Variants in CHLSN observed in about 807,000 individuals in gnomAD.
The protein encoded by CHLSN is protein cholesin.
chr7:1,013,717 A>AT, the CHLSN span, among the ~76,000 whole-genome samples: 1 of 152,160 alleles, frequency 6.6e-6, no homozygotes, highest in African/African-American at 2.4e-5. Context: ...CAGACGTGTG[A>AT]TGTCTAAAGC....
At chr7:990,562 G>A in the CHLSN span, among the ~76,000 whole-genome samples, 1 of 152,000 alleles carries the variant, frequency 6.6e-6, no homozygotes, top group Non-Finnish European at 1.5e-5. Flanking sequence ...CGGGACACAC[G>A]GGTGCACGGC....
At chr7:1,016,722 C>T in the CHLSN span, among the ~76,000 whole-genome samples, 1 of 121,428 alleles carries the variant, frequency 8.2e-6, no homozygotes, top group Admixed American at 8.3e-5. Flanking sequence ...CGCACAGCAG[C>T]ACACAGCAGC....
At chr7:987,934 G>A in the CHLSN span, among the ~76,000 whole-genome samples, 1 of 94,076 alleles carries the variant, frequency 1.1e-5, no homozygotes, top group Non-Finnish European at 2.0e-5. Context: ...TGTGTGTCCT[G>A]GGGGGGTCCC....
the CHLSN span, chr7:1,021,537 C>G: frequency 1.0e-6 from 1 of 985,434 alleles, no homozygotes; most frequent in Non-Finnish European, 1.2e-6. Context: ...CACTGTCCAT[C>G]CACCGCACAG....
the CHLSN span, among the ~76,000 whole-genome samples, chr7:1,130,522 C>A: frequency 1.3e-5 from 2 of 152,134 alleles, no homozygotes; most frequent in Non-Finnish European, 2.9e-5. Context: ...CACCTGACCC[C>A]ATGCCCCTGT....
At chr7:1,016,765 A>ACAGCAGCACACGCCAGCGCG in the CHLSN span, among the ~76,000 whole-genome samples, 5 of 77,090 alleles carry the variant, frequency 6.5e-5, no homozygotes, top group Non-Finnish European at 9.5e-5. Flanking sequence ...ACGCCAGCGC[A>ACAGCAGCACACGCCAGCGCG]CAGCGCACAG....
chr7:1,030,784 G>A, the CHLSN span, among the ~76,000 whole-genome samples: 744 of 151,886 alleles, frequency 4.9e-3, 8 homozygotes, highest in African/African-American at 0.017. Context: ...TCTCTCCCCG[G>A]GCAGGTGGGA....
the CHLSN span, among the ~76,000 whole-genome samples, chr7:1,098,603 A>T: frequency 6.6e-6 from 1 of 152,064 alleles, no homozygotes; most frequent in South Asian, 2.1e-4. Flanking sequence ...GCTCAGTGAG[A>T]TAAAGCAGAC....
the CHLSN span, among the ~76,000 whole-genome samples, chr7:1,064,346 T>C: frequency 6.6e-6 from 1 of 152,048 alleles, no homozygotes; most frequent in South Asian, 2.1e-4. Flanking sequence ...TGGAAGCAGA[T>C]GGTGGCTCTG....
chr7:992,098 C>T, the CHLSN span, among the ~76,000 whole-genome samples: 1 of 152,206 alleles, frequency 6.6e-6, no homozygotes, highest in South Asian at 2.1e-4. Context: ...GAGAGGCAGA[C>T]ACCCCGAACC....
At chr7:1,102,719 G>A in the CHLSN span, among the ~76,000 whole-genome samples, 1 of 152,240 alleles carries the variant, frequency 6.6e-6, no homozygotes, top group Non-Finnish European at 1.5e-5. Context: ...CTTTCCGTGA[G>A]GGTGGGCCGC....
chr7:1,029,599 A>C, the CHLSN span, among the ~76,000 whole-genome samples: 1 of 152,184 alleles, frequency 6.6e-6, no homozygotes, highest in Non-Finnish European at 1.5e-5. Flanking sequence ...AGGGAGCCGC[A>C]CTGGCCACCC....
At chr7:1,028,111 G>T in the CHLSN span, 2 of 428,666 alleles carry the variant, frequency 4.7e-6, no homozygotes, top group Non-Finnish European at 6.1e-6. Flanking sequence ...CCCGGGGTCT[G>T]CAGGGCGGAG....
the CHLSN span, among the ~76,000 whole-genome samples, chr7:1,134,012 C>T: frequency 1.3e-5 from 2 of 152,052 alleles, no homozygotes; most frequent in Non-Finnish European, 2.9e-5. Context: ...GCCATGTTTC[C>T]CAGACTGGTC....
chr7:1,016,304 T>TAGCAGCAC, the CHLSN span, among the ~76,000 whole-genome samples: 1 of 27,490 alleles, frequency 3.6e-5, no homozygotes, highest in Non-Finnish European at 5.5e-5. Flanking sequence ...CGCCAGCACA[T>TAGCAGCAC]AGCAGCACAG....
the CHLSN span, chr7:983,170 C>T: frequency 1.5e-5 from 22 of 1,430,490 alleles, no homozygotes; most frequent in South Asian, 4.4e-5. Flanking sequence ...GCGGGGGGGA[C>T]GGGGCCCAGG....
chr7:1,073,508 T>C, the CHLSN span, among the ~76,000 whole-genome samples: 1 of 152,140 alleles, frequency 6.6e-6, no homozygotes, highest in African/African-American at 2.4e-5. Flanking sequence ...GCTTTCTTAC[T>C]TTCTCACAAC....
chr7:1,092,338 G>A, the CHLSN span: 2 of 1,611,394 alleles, frequency 1.2e-6, no homozygotes, highest in South Asian at 1.1e-5. Context: ...CACCGACGAG[G>A]CCTGCTTCTG....
the CHLSN span, among the ~76,000 whole-genome samples, chr7:1,081,113 A>G: frequency 2.0e-5 from 3 of 152,244 alleles, no homozygotes; most frequent in South Asian, 6.2e-4. Context: ...CAAGGCTGCA[A>G]CCTGCAGCTC....
Sources: allele counts gnomAD v4.1 joint callset (sites outside exome capture counted in the v4.1 genomes callset), GRCh38; gene constraint gnomAD v4.1.1; transcripts MANE v1.5; gene names NCBI Gene and HGNC (gene_info 2026-07-23, HGNC 2026-07-21).